CNTNAP2: variants seen among roughly 807,000 people sequenced by gnomAD.
CNTNAP2 encodes contactin associated protein 2.
In CNTNAP2, 98 loss-of-function variants were observed where a neutral mutation model predicts 155.2. The ratio of observed to expected loss-of-function variants is 0.63; its 90% CI spans 0.54 to 0.75. The LOEUF (loss-of-function observed/expected upper bound fraction) is 0.75. Among genes scored for constraint, CNTNAP2 ranks in the 30% least tolerant of loss-of-function variants. The pLI, the probability that CNTNAP2 is intolerant of heterozygous loss-of-function variation, is 0.00. For missense variants in CNTNAP2, 1,727 were observed against 1,688.1 expected (o/e 1.02, Z -0.40); for synonymous variants, 651 against 631.2 (o/e 1.03, Z -0.47).
At chr7:147,525,943 A>G (rs1190874829) in intron 11 of CNTNAP2, among the ~76,000 whole-genome samples, 1 of 152,174 alleles carries the variant, frequency 6.6e-6, no homozygotes, top group Non-Finnish European at 1.5e-5. Context: ...CTGTAATCCC[A>G]GCACTTCGGA....
intron 1 of CNTNAP2, among the ~76,000 whole-genome samples, chr7:146,241,089 G>A (rs1584821079): frequency 6.6e-6 from 1 of 152,090 alleles, no homozygotes; most frequent in South Asian, 2.1e-4. Flanking sequence ...ATAGCACCAA[G>A]CGGGTAATGC....
intron 10 of CNTNAP2, among the ~76,000 whole-genome samples, chr7:147,397,307 T>C (rs1167923318): frequency 6.6e-6 from 1 of 152,064 alleles, no homozygotes; most frequent in Non-Finnish European, 1.5e-5. Context: ...GCAGCAATAA[T>C]CAGAAAAGCT....
At position 146,380,537 on chromosome 7, in the gene CNTNAP2, C is replaced by A. The variant is rs543031427; in HGVS notation, c.97+263564C>A. On this transcript the variant is annotated intron_variant, in intron 1 of 23. Transcript: ENST00000361727. ...CCAAAGATGTTTTGAAGATCTTGGC[C>A]ATCATAGTAACTGATCTTATCTTTA... is the stretch of plus-strand genomic sequence containing the variant. Among the ~76,000 whole-genome samples, 27 of 152,096 alleles carry A rather than the reference C, an allele frequency of 1.8e-4. No individual in the cohort carries two copies. In the South Asian group the frequency reaches 5.6e-3, roughly 32 times the overall value.
At chr7:148,320,544 C>T (rs1358102247) in intron 21 of CNTNAP2, among the ~76,000 whole-genome samples, 5 of 151,952 alleles carry the variant, frequency 3.3e-5, no homozygotes, top group South Asian at 4.2e-4. Flanking sequence ...CCACCATACC[C>T]GGCTAATTTT....
intron 1 of CNTNAP2, among the ~76,000 whole-genome samples, chr7:146,524,883 AG>A (rs940070779): frequency 2.0e-5 from 3 of 152,082 alleles, no homozygotes; most frequent in Non-Finnish European, 2.9e-5. Context: ...AGAGTGTGCA[AG>A]GGCTCTCCTG....
intron 2 of CNTNAP2, among the ~76,000 whole-genome samples, chr7:146,777,546 A>G (rs1802411712): frequency 6.6e-6 from 1 of 152,066 alleles, no homozygotes; most frequent in African/African-American, 2.4e-5. Context: ...AAAGTCATAC[A>G]TAGTTGTTAC....
chr7:147,271,751 C>T (rs1156676028), intron 8 of CNTNAP2, among the ~76,000 whole-genome samples: 2 of 152,128 alleles, frequency 1.3e-5, no homozygotes, highest in Non-Finnish European at 2.9e-5. Flanking sequence ...GGAACCACCC[C>T]CATGATTCAG....
At chr7:146,148,829 A>G in intron 1 of CNTNAP2, among the ~76,000 whole-genome samples, 1 of 152,194 alleles carries the variant, frequency 6.6e-6, no homozygotes, top group East Asian at 1.9e-4. Flanking sequence ...AGAACAAAAA[A>G]AGGAAGAAGT....
chr7:147,611,024 G>GCCA (rs1801174657), intron 12 of CNTNAP2, among the ~76,000 whole-genome samples: 1 of 152,078 alleles, frequency 6.6e-6, no homozygotes, highest in South Asian at 2.1e-4. Context: ...ACAAGCATGA[G>GCCA]CCACCACGCC....
intron 3 of CNTNAP2, among the ~76,000 whole-genome samples, chr7:146,935,502 C>CT (rs1388379178): frequency 6.6e-6 from 1 of 152,174 alleles, no homozygotes; most frequent in Non-Finnish European, 1.5e-5. Flanking sequence ...GCCAGGAGGC[C>CT]TTCACTCTTC....
At chr7:147,453,262 A>C (rs1420152073) in intron 10 of CNTNAP2, among the ~76,000 whole-genome samples, 3 of 152,178 alleles carry the variant, frequency 2.0e-5, no homozygotes, top group East Asian at 3.9e-4. Flanking sequence ...ACATTCAAAC[A>C]GTAGTGCCTC....
At chr7:146,557,150 CT>C (rs1310496177) in intron 1 of CNTNAP2, among the ~76,000 whole-genome samples, 1 of 152,042 alleles carries the variant, frequency 6.6e-6, no homozygotes, top group Non-Finnish European at 1.5e-5. Context: ...CTTTCTGACT[CT>C]TCTCCCAACA....
chr7:147,200,749 T>C (rs1370783094), intron 8 of CNTNAP2, among the ~76,000 whole-genome samples: 2 of 152,336 alleles, frequency 1.3e-5, no homozygotes, highest in East Asian at 3.9e-4. Flanking sequence ...GTTCTGTGTA[T>C]GCAGGAGGGA....
intron 10 of CNTNAP2, among the ~76,000 whole-genome samples, chr7:147,482,720 C>CAATA (rs71527814): frequency 0.049 from 6,775 of 138,248 alleles, 235 homozygotes; most frequent in African/African-American, 0.085. Flanking sequence ...GATTCCGTCT[C>CAATA]AATAAATAAA....
chr7:146,918,995 T>C (rs1235502441), intron 3 of CNTNAP2, among the ~76,000 whole-genome samples: 1 of 152,240 alleles, frequency 6.6e-6, no homozygotes, highest in Non-Finnish European at 1.5e-5. Flanking sequence ...CAGTGCATTT[T>C]GCAGCTCTCT....
intron 21 of CNTNAP2, among the ~76,000 whole-genome samples, chr7:148,339,812 T>G (rs937148637): frequency 6.6e-6 from 1 of 152,114 alleles, no homozygotes; most frequent in African/African-American, 2.4e-5. Flanking sequence ...GTCAAAAAAT[T>G]TCCGATTCTT....
At chr7:147,778,665 T>G (rs1797622981) in intron 13 of CNTNAP2, among the ~76,000 whole-genome samples, 1 of 152,012 alleles carries the variant, frequency 6.6e-6, no homozygotes, top group South Asian at 2.1e-4. Flanking sequence ...AAAAATAAAT[T>G]TTATATTTGT....
At chr7:147,795,359 G>A (rs575377946) in intron 13 of CNTNAP2, among the ~76,000 whole-genome samples, 1 of 151,804 alleles carries the variant, frequency 6.6e-6, no homozygotes, top group African/African-American at 2.4e-5. Flanking sequence ...TGACATATTT[G>A]TACTTATATT....
At chr7:147,529,342 C>T (rs1443947874) in intron 11 of CNTNAP2, among the ~76,000 whole-genome samples, 1 of 152,092 alleles carries the variant, frequency 6.6e-6, no homozygotes, top group Non-Finnish European at 1.5e-5. Flanking sequence ...ACCAATCTTC[C>T]TTTTCTCATT....
Sources: allele counts gnomAD v4.1 joint callset (sites outside exome capture counted in the v4.1 genomes callset), GRCh38; gene constraint gnomAD v4.1.1; transcripts MANE v1.5; gene names NCBI Gene and HGNC (gene_info 2026-07-23, HGNC 2026-07-21).